PRDM7: variants seen among roughly 807,000 people sequenced by gnomAD.
PRDM7 encodes histone-lysine N-methyltransferase PRDM7.
PRDM7 carries 52 observed loss-of-function variants against 64.3 expected under a neutral mutation model. The ratio of observed to expected loss-of-function variants is 0.81; its 90% CI spans 0.65 to 1.02. The LOEUF is 1.02. Among genes scored for constraint, PRDM7 ranks in the 50% least tolerant of loss-of-function variants. The pLI is 0.00. For missense variants in PRDM7, 574 were observed against 597.1 expected, an observed-to-expected ratio of 0.96 and a Z score of 0.40; for synonymous variants, 192 against 210.1, an observed-to-expected ratio of 0.91 and a Z score of 0.74.
chr16:90,060,510 A>G lies in PRDM7; in HGVS notation c.1064T>C (p.Val355Ala), dbSNP rs2151305715. Residue 355 changes from valine (V) to alanine (A), a missense_variant, in exon 10 of 11, where the codon GTC becomes GCC. Transcript: ENST00000449207. ...RVIRPGCELL[V>A]WSGDEYGQEL... ...CTGGCCATACTCATCCCCAGACCAG[A>G]CCAGCAGTTCACAGCCTGGCCTAAT... 1 of 1,613,978 alleles carries G rather than the reference A, an allele frequency of 6.2e-7. No individual in the cohort carries two copies.
Position 90,060,726 on chromosome 16 carries a change from A to C in PRDM7, c.951-103T>G, listed in dbSNP as rs968956424. ...CCTAGAATGCTTCCCTGCTGTGCCT[A>C]ATCAGCCATTTTTTCAAAGCCCAAC... On this transcript the variant is annotated intron_variant, in intron 9 of 10. Transcript: ENST00000449207. 1.8e-5 allele frequency: 28 copies of C among 1,531,534 alleles called. No individual in the cohort carries two copies. The African/African-American group carries it at 3.0e-4, about 16-fold the overall frequency. The allele number at this position is 1,531,534 out of a possible 1,614,324, so 94.9% of individuals were successfully genotyped here.
intron 10 of PRDM7, 47 bp downstream of exon 10, chr16:90,060,294 T>A (rs1265109155): frequency 4.3e-6 from 7 of 1,613,286 alleles, no homozygotes; most frequent in Non-Finnish European, 5.9e-6. Context: ...TTCTCTAGGA[T>A]AATTCTTTCT....
intron 8 of PRDM7, 47 bp downstream of exon 8, chr16:90,061,873 GA>G: frequency 1.2e-6 from 2 of 1,612,426 alleles, no homozygotes; most frequent in Non-Finnish European, 8.5e-7. Flanking sequence ...CAAAGGCACA[GA>G]AGGGATGTGG....
chr16:90,073,706 T>C (rs556520678), intron 4 of PRDM7, among the ~76,000 whole-genome samples: 1 of 152,074 alleles, frequency 6.6e-6, no homozygotes, highest in African/African-American at 2.4e-5. Context: ...TTTATGTTTT[T>C]GAGGGAAGAC....
At chr16:90,074,122 C>T (rs1482935486) in intron 4 of PRDM7, among the ~76,000 whole-genome samples, 4 of 151,188 alleles carry the variant, frequency 2.6e-5, no homozygotes, top group South Asian at 2.2e-4. Context: ...GGGCTATGCA[C>T]GGTGGCTCAT....
At chr16:90,062,790 A>C (rs561324680) in intron 6 of PRDM7, among the ~76,000 whole-genome samples, 2 of 152,310 alleles carry the variant, frequency 1.3e-5, no homozygotes, top group African/African-American at 4.8e-5. Context: ...ATATTTTTTG[A>C]GAGTTCATTA....
chr16:90,063,611 C>A lies in PRDM7; in HGVS notation c.508+1G>T. ...TAAATTCCCCTCAAATTTTTTCTTA[C>A]CCAGTTTTAGTCTAGAGTGCTGTCC... On this transcript the variant is annotated splice_donor_variant, in intron 6 of 10. Coordinates refer to ENST00000449207, the MANE Select transcript of PRDM7 (RefSeq NM_001098173.2). LOFTEE classifies it high-confidence loss of function. The A allele has an allele frequency of 6.2e-7, 1 of 1,612,812 alleles. No homozygotes were observed.
At chr16:90,063,827 T>G in intron 5 of PRDM7, 59 bp from the exon 6 acceptor site, 1 of 1,580,458 alleles carries the variant, frequency 6.3e-7, no homozygotes, top group Non-Finnish European at 8.6e-7. Context: ...TCTTTACGGC[T>G]TGCAACATGT....
At position 90,075,294 on chromosome 16, in the gene PRDM7, G is replaced by C; in HGVS notation, c.193+57C>G. The C allele has an allele frequency of 1.2e-6, 2 of 1,613,074 alleles. No individual in the cohort carries two copies. Among genetic ancestry groups the C allele is most frequent in the Non-Finnish European group, 1.7e-6 (2 of 1,179,302 alleles). On this transcript the variant is annotated intron_variant, in intron 3 of 10. Transcript: ENST00000449207. This position sits in a 1 kb window ranked among gnomAD's most constrained non-coding sequence, Gnocchi z 4.3. ...CACCTGATAATTAAAATAATATAGG[G>C]ACCAAAGACCTGTTTTATATCGCCC...
At position 90,057,393 on chromosome 16, in the gene PRDM7, G is replaced by C. The variant is rs868826326; in HGVS notation, c.*896C>G. ...GATTCTCCAATAATTAAACCAGATG[G>C]ACTCCAAGTTTATGTCTTTCTGGGG... is the stretch of plus-strand genomic sequence containing the variant. On this transcript the variant is annotated 3_prime_UTR_variant, in exon 11 of 11. Transcript: ENST00000449207. 6.3e-6 allele frequency: 1 copy of C among 157,802 alleles called. No homozygotes were observed. The highest frequency in any genetic ancestry group is 1.9e-4 in the East Asian group (1 of 5,374). 9.8% of individuals were successfully genotyped at this position (157,802 alleles called of 1,614,324 possible).
chr16:90,062,434 C>T lies in PRDM7; in HGVS notation c.577G>A (p.Glu193Lys). 6.2e-7 allele frequency: 1 copy of T among 1,614,152 alleles called. No homozygotes were observed. The highest frequency in any genetic ancestry group is 8.5e-7 in the Non-Finnish European group (1 of 1,180,010). ...LRERKGHAYK[E>K]ISEPQDDDYL... ...TCATCATCCTGTGGCTCGCTGATCT[C>T]TTTGTATGCATGACCCTTTCTTTCT... Residue 193 changes from glutamate (E) to lysine (K), a missense_variant, in exon 7 of 11, where the codon GAG becomes AAG. Glu to Lys is a moderately conservative substitution (Grantham distance 56). Coordinates refer to ENST00000449207, the MANE Select transcript of PRDM7 (RefSeq NM_001098173.2).
At chr16:90,068,350 T>C (rs551118844) in intron 4 of PRDM7, among the ~76,000 whole-genome samples, 2 of 150,456 alleles carry the variant, frequency 1.3e-5, no homozygotes, top group African/African-American at 4.9e-5. Flanking sequence ...AATACACGAA[T>C]TTGGGCTGGG....
chr16:90,061,068 C>T (rs1405492519), intron 9 of PRDM7, among the ~76,000 whole-genome samples: 1 of 152,172 alleles, frequency 6.6e-6, no homozygotes, highest in Non-Finnish European at 1.5e-5. Flanking sequence ...TCTGATAGAA[C>T]GACAGCCCAT....
intron 5 of PRDM7, among the ~76,000 whole-genome samples, chr16:90,064,182 C>A (rs1422787387): frequency 6.6e-6 from 1 of 152,090 alleles, no homozygotes; most frequent in African/African-American, 2.4e-5. Context: ...GGTAATAGGG[C>A]AGTAAGGTTC....
Position 90,074,980 on chromosome 16 carries a change from C to A in PRDM7, c.237G>T (p.Gln79His), listed in dbSNP as rs765419807. 3.1e-6 allele frequency: 5 copies of A among 1,614,132 alleles called. No homozygotes were observed. Among genetic ancestry groups the A allele is most frequent in the Non-Finnish European group, 3.4e-6 (4 of 1,180,032 alleles). Residue 79 changes from glutamine (Q) to histidine (H), a missense_variant, in exon 4 of 11, where the codon CAG becomes CAT. Coordinates refer to ENST00000449207, the MANE Select transcript of PRDM7 (RefSeq NM_001098173.2). ...TGTCATCCACCTGGAGTTTGATGGC[C>A]TGCCTTCGGTGACACATGAAAGCTG... is the stretch of plus-strand genomic sequence containing the variant. ...TRPAFMCHRR[Q>H]AIKLQVDDTE...
In PRDM7 at chr16:90,075,677, T is replaced by G. The variant is rs1410287743; in HGVS notation, c.69+165A>C. ...CTAGCTCTCTGCTGACACAGAGCAG[T>G]CGCTGATGCTAGTGTTCTTTTCTCC... On this transcript the variant is annotated intron_variant, in intron 2 of 10. Transcript: ENST00000449207. The surrounding 1 kb of genome is among the most constrained non-coding windows in gnomAD (Gnocchi z 4.3). Among the ~76,000 whole-genome samples, 3 of 152,206 alleles carry G rather than the reference T, an allele frequency of 2.0e-5. No individual in the cohort carries two copies. Among genetic ancestry groups the G allele is most frequent in the Non-Finnish European group, 2.9e-5 (2 of 68,044 alleles).
In PRDM7 at chr16:90,063,540, A is replaced by G; in HGVS notation, c.508+72T>C. Reference sequence around the variant, plus strand: ...CAGGCCTATCCAAAGTCCACCCCACATAGGTAGACCATACTCACCAACCTT... The same window carrying G: ...CAGGCCTATCCAAAGTCCACCCCACGTAGGTAGACCATACTCACCAACCTT... On this transcript the variant is annotated intron_variant, in intron 6 of 10. Transcript: ENST00000449207. 1.2e-5 allele frequency: 18 copies of G among 1,551,230 alleles called. 1 individual carries two copies. The South Asian group carries it at 2.0e-4, about 17-fold the overall frequency.
At chr16:90,074,128 C>T (rs1244853348) in intron 4 of PRDM7, among the ~76,000 whole-genome samples, 2 of 151,920 alleles carry the variant, frequency 1.3e-5, no homozygotes, top group Non-Finnish European at 2.9e-5. Flanking sequence ...TGCACGGTGG[C>T]TCATGCCTGT....
intron 4 of PRDM7, among the ~76,000 whole-genome samples, chr16:90,073,439 G>T (rs1363943899): frequency 1.3e-5 from 2 of 148,544 alleles, no homozygotes; most frequent in Admixed American, 1.4e-4. Context: ...TCGCTCTGTC[G>T]CCCAGGCCGG....
Sources: gnomAD v4.1 joint callset for allele counts (sites outside exome capture counted in the v4.1 genomes callset) on GRCh38, gnomAD v4.1.1 for gene constraint, Gnocchi (gnomAD v3.1) non-coding constraint, MANE v1.5 for transcripts, NCBI Gene and HGNC (gene_info 2026-07-23, HGNC 2026-07-21) for gene names.